Variants in GALNT13 observed in about 807,000 individuals in gnomAD.
GALNT13 encodes UDP-GalNAc:polypeptide N-acetylgalactosaminyltransferase 13.
A neutral mutation model predicts 64.2 loss-of-function variants in GALNT13; 28 were observed. The ratio of observed to expected loss-of-function variants is 0.44; its 90% CI spans 0.32 to 0.60. The LOEUF is 0.60. Ranked by LOEUF, GALNT13 falls within the 20% of genes least tolerant of loss-of-function variation. The probability of loss-of-function intolerance (pLI) is 0.05; values close to 1 mark genes in which losing one functional copy is unlikely to be tolerated. For synonymous variants in GALNT13, 214 were observed against 224.6 expected (o/e 0.95, Z 0.42); for missense variants, 577 against 669.8 (o/e 0.86, Z 1.53).
chr2:153,222,895 A>G, the GALNT13 span, among the ~76,000 whole-genome samples: 1 of 151,962 alleles, frequency 6.6e-6, no homozygotes, highest in East Asian at 1.9e-4. Context: ...GAGCGCAGGG[A>G]TGCCTGGGTC....
At chr2:153,854,233 T>C in the GALNT13 span, among the ~76,000 whole-genome samples, 13,676 of 151,746 alleles carry the variant, frequency 0.09, 721 homozygotes, top group African/African-American at 0.12. Flanking sequence ...AGCAAATCTT[T>C]CTATAAATCC....
chr2:153,330,274 C>G, the GALNT13 span, among the ~76,000 whole-genome samples: 1 of 151,976 alleles, frequency 6.6e-6, no homozygotes, highest in South Asian at 2.1e-4. Flanking sequence ...TTTTTTGGTT[C>G]CATATGAGTT....
At chr2:154,429,443 A>C (rs1700614365) in intron 11 of GALNT13, among the ~76,000 whole-genome samples, 1 of 152,218 alleles carries the variant, frequency 6.6e-6, no homozygotes, top group South Asian at 2.1e-4. Context: ...CTTTACACCA[A>C]AACTTCTTCC....
chr2:153,710,097 T>C, the GALNT13 span, among the ~76,000 whole-genome samples: 1 of 152,088 alleles, frequency 6.6e-6, no homozygotes, highest in African/African-American at 2.4e-5. Flanking sequence ...TAGTGTATTA[T>C]ACATTTCAAA....
intron 3 of GALNT13, among the ~76,000 whole-genome samples, chr2:154,003,872 C>G (rs902559253): frequency 6.6e-6 from 1 of 152,140 alleles, no homozygotes; most frequent in African/African-American, 2.4e-5. Flanking sequence ...TCTTCACCTT[C>G]CACCATTATT....
intron 3 of GALNT13, among the ~76,000 whole-genome samples, chr2:153,991,248 C>T (rs1289965245): frequency 6.6e-6 from 1 of 152,072 alleles, no homozygotes; most frequent in Non-Finnish European, 1.5e-5. Context: ...CTGGGCAGGG[C>T]TAGATTGTGA....
chr2:154,227,153 T>C (rs910300219), intron 4 of GALNT13, among the ~76,000 whole-genome samples: 2 of 152,034 alleles, frequency 1.3e-5, no homozygotes, highest in South Asian at 4.1e-4. Flanking sequence ...AGTGATCCAG[T>C]GTGTGTACTG....
At chr2:153,289,948 C>T in the GALNT13 span, among the ~76,000 whole-genome samples, 1 of 152,290 alleles carries the variant, frequency 6.6e-6, no homozygotes, top group South Asian at 2.1e-4. Flanking sequence ...GACAATGGAT[C>T]AAAATCCTGG....
the GALNT13 span, among the ~76,000 whole-genome samples, chr2:153,117,375 T>G: frequency 2.0e-5 from 3 of 152,158 alleles, no homozygotes; most frequent in Admixed American, 2.0e-4. Flanking sequence ...GCTTATATAG[T>G]CCAGATTTGA....
intron 3 of GALNT13, among the ~76,000 whole-genome samples, chr2:154,049,330 A>C (rs3108891): frequency 0.89 from 132,821 of 148,484 alleles, 59,814 homozygotes; most frequent in African/African-American, 0.97. Context: ...CTGTTTTATA[A>C]TTATATGTGT....
At chr2:154,281,227 A>G (rs1218436614) in intron 8 of GALNT13, among the ~76,000 whole-genome samples, 1 of 152,184 alleles carries the variant, frequency 6.6e-6, no homozygotes, top group Non-Finnish European at 1.5e-5. Flanking sequence ...CTTAAGCAGA[A>G]CCATCTTATA....
the GALNT13 span, among the ~76,000 whole-genome samples, chr2:153,244,910 G>A: frequency 1.3e-5 from 2 of 152,318 alleles, no homozygotes; most frequent in Non-Finnish European, 2.9e-5. Context: ...CAGAAGTCTG[G>A]AGTCCACCTG....
the GALNT13 span, among the ~76,000 whole-genome samples, chr2:153,481,296 A>T: frequency 6.6e-6 from 1 of 152,132 alleles, no homozygotes; most frequent in African/African-American, 2.4e-5. Flanking sequence ...ACTTAAGGGG[A>T]TCTGTGTTGC....
chr2:153,252,933 G>C, the GALNT13 span, among the ~76,000 whole-genome samples: 9 of 151,966 alleles, frequency 5.9e-5, no homozygotes, highest in African/African-American at 2.2e-4. Context: ...TTTTGGCTTA[G>C]GATTGACTTG....
chr2:153,994,536 G>T (rs1049948533), intron 3 of GALNT13, among the ~76,000 whole-genome samples: 6 of 152,218 alleles, frequency 3.9e-5, no homozygotes, highest in African/African-American at 1.2e-4. Flanking sequence ...CCCACCAAAA[G>T]TGTAAAAGTG....
At chr2:153,608,090 C>T in the GALNT13 span, among the ~76,000 whole-genome samples, 2 of 152,102 alleles carry the variant, frequency 1.3e-5, no homozygotes, top group African/African-American at 2.4e-5. Flanking sequence ...GGACTTTAAT[C>T]TGAAATGTTT....
chr2:153,410,263 G>A, the GALNT13 span, among the ~76,000 whole-genome samples: 1 of 152,042 alleles, frequency 6.6e-6, no homozygotes, highest in Non-Finnish European at 1.5e-5. Context: ...TTTTTAGGGG[G>A]GGTGGGGTAG....
intron 9 of GALNT13, among the ~76,000 whole-genome samples, chr2:154,340,013 T>C (rs1006102895): frequency 1.3e-5 from 2 of 152,296 alleles, no homozygotes; most frequent in Admixed American, 1.3e-4. Flanking sequence ...AAACTGATTT[T>C]TAAAAATGTC....
chr2:153,452,874 T>C, the GALNT13 span, among the ~76,000 whole-genome samples: 1 of 152,124 alleles, frequency 6.6e-6, no homozygotes, highest in African/African-American at 2.4e-5. Flanking sequence ...CCTCAAACTA[T>C]ACTATAAGGC....
Sources: allele counts gnomAD v4.1 joint callset (sites outside exome capture counted in the v4.1 genomes callset), GRCh38; gene constraint gnomAD v4.1.1; transcripts MANE v1.5; gene names NCBI Gene and HGNC (gene_info 2026-07-23, HGNC 2026-07-21).